The following KLRF1 variants were observed in gnomAD, a reference collection of about 807,000 sequenced individuals.
KLRF1 encodes killer cell lectin-like receptor subfamily F member 1.
In KLRF1, 27 loss-of-function variants were observed where a neutral mutation model predicts 30.7. That is an observed-to-expected ratio of 0.88 (90% CI 0.65 to 1.21). The LOEUF is 1.21. Ranked by LOEUF, KLRF1 falls within the 50% of genes most tolerant of loss-of-function variation. The pLI is 0.00. For missense variants in KLRF1, 246 were observed against 259.3 expected (o/e 0.95, Z 0.35); for synonymous variants, 92 against 89.3 (o/e 1.03, Z -0.17).
the KLRF1 span, among the ~76,000 whole-genome samples, chr12:9,811,944 C>T: frequency 2.6e-5 from 4 of 152,124 alleles, no homozygotes; most frequent in Admixed American, 1.3e-4. Flanking sequence ...AACATTAAAT[C>T]GGGTGGAATT....
the KLRF1 span, chr12:9,817,792 A>C: frequency 5.1e-6 from 1 of 195,066 alleles, no homozygotes; most frequent in Admixed American, 6.3e-5. Context: ...AGGTGCAGGC[A>C]CTTCCTCAGT....
In KLRF1 at chr12:9,832,406, T is replaced by C. The variant is rs1038326062; in HGVS notation, c.176T>C (p.Ile59Thr). 5.1e-6 allele frequency: 8 copies of C among 1,571,176 alleles called. No homozygotes were observed. Among genetic ancestry groups the C allele is most frequent in the Non-Finnish European group, 7.0e-6 (8 of 1,142,082 alleles). Residue 59 changes from isoleucine (I) to threonine (T), a missense_variant, in exon 2 of 6, where the codon ATC becomes ACC. By Grantham distance (89) the Ile-to-Thr change is moderately conservative (BLOSUM62 -1). Transcript: ENST00000617889. ...GILTLTLISL[I>T]LLVSQGVLLK... ...CTCACTTTGACTTTGATCTCCTTGA[T>C]CCTGTTGGGTAAGTTTAGAAGATCT...
upstream of KLRF1, among the ~76,000 whole-genome samples, chr12:9,827,151 C>G (rs56868322): frequency 0.011 from 1,717 of 152,118 alleles, 33 homozygotes; most frequent in African/African-American, 0.039. Flanking sequence ...GTTAGGGAGG[C>G]TAATTCAAAT....
At chr12:9,801,522 T>G in the KLRF1 span, among the ~76,000 whole-genome samples, 1 of 152,100 alleles carries the variant, frequency 6.6e-6, no homozygotes, top group African/African-American at 2.4e-5. Context: ...GTTTCTTGAC[T>G]TTTTAATAAT....
the KLRF1 span, among the ~76,000 whole-genome samples, chr12:9,821,954 C>A: frequency 6.6e-6 from 1 of 152,196 alleles, no homozygotes. Context: ...AAGTCAGTTG[C>A]AAGTAAAGAC....
chr12:9,842,742 A>G (rs1867732782), intron 5 of KLRF1, among the ~76,000 whole-genome samples: 2 of 152,226 alleles, frequency 1.3e-5, no homozygotes, highest in East Asian at 1.9e-4. Flanking sequence ...ATAAAATAAA[A>G]CCAATGTGCA....
chr12:9,841,726 A>G, intron 3 of KLRF1, 86 bp from the exon 4 acceptor site: 2 of 966,512 alleles, frequency 2.1e-6, no homozygotes, highest in African/African-American at 1.7e-5. Flanking sequence ...TCTTATTTAT[A>G]CAACATGTAA....
the KLRF1 span, among the ~76,000 whole-genome samples, chr12:9,816,733 C>CTTTT: frequency 7.5e-6 from 1 of 132,836 alleles, no homozygotes. Context: ...GCATTCTCTT[C>CTTTT]TTTTTTTTTT....
intron 3 of KLRF1, among the ~76,000 whole-genome samples, chr12:9,841,373 C>T (rs758012815): frequency 2.0e-5 from 3 of 151,930 alleles, no homozygotes; most frequent in Non-Finnish European, 1.5e-5. Flanking sequence ...CTGGGTGCTA[C>T]TTGGATGTTG....
At chr12:9,825,159 C>T (rs1420653250), upstream of KLRF1, among the ~76,000 whole-genome samples, 2 of 151,808 alleles carry the variant, frequency 1.3e-5, no homozygotes, top group Non-Finnish European at 2.9e-5. Context: ...GCCCAAATAG[C>T]CAAGGCAATC....
chr12:9,815,292 T>G, the KLRF1 span, among the ~76,000 whole-genome samples: 264 of 152,352 alleles, frequency 1.7e-3, 1 homozygote, highest in African/African-American at 6.1e-3. Context: ...AGCCAGTTAT[T>G]TCAATGAATT....
the KLRF1 span, among the ~76,000 whole-genome samples, chr12:9,811,052 C>T: frequency 4.6e-5 from 7 of 151,748 alleles, no homozygotes; most frequent in South Asian, 8.3e-4. Context: ...TCCTGTGGGC[C>T]GGATGAAGAT....
At chr12:9,812,784 A>G in the KLRF1 span, among the ~76,000 whole-genome samples, 1 of 152,200 alleles carries the variant, frequency 6.6e-6, no homozygotes, top group Non-Finnish European at 1.5e-5. Flanking sequence ...GGAATTGCCT[A>G]TGATGTGGGA....
intron 1 of KLRF1, among the ~76,000 whole-genome samples, chr12:9,828,099 G>A (rs1472730753): frequency 6.7e-6 from 1 of 149,778 alleles, no homozygotes; most frequent in Admixed American, 6.6e-5. Flanking sequence ...TTTTTTTTGA[G>A]ACGGAGTTTC....
At chr12:9,827,013 T>G (rs775065730), upstream of KLRF1, among the ~76,000 whole-genome samples, 1 of 152,240 alleles carries the variant, frequency 6.6e-6, no homozygotes, top group South Asian at 2.1e-4. Flanking sequence ...CATGTAGCCC[T>G]GAACCTAAAA....
intron 3 of KLRF1, among the ~76,000 whole-genome samples, chr12:9,837,334 A>G (rs748391349): frequency 6.6e-6 from 1 of 151,722 alleles, no homozygotes; most frequent in African/African-American, 2.4e-5. Context: ...AGATACATAT[A>G]TACTTATATG....
At chr12:9,837,370 A>G (rs1223478399) in intron 3 of KLRF1, among the ~76,000 whole-genome samples, 2 of 151,568 alleles carry the variant, frequency 1.3e-5, no homozygotes, top group Non-Finnish European at 2.9e-5. Flanking sequence ...AAATACATAT[A>G]TATTTATATG....
chr12:9,817,487 A>G, the KLRF1 span: 1 of 423,670 alleles, frequency 2.4e-6, no homozygotes, highest in South Asian at 2.0e-5. Context: ...ATTTCGCTTG[A>G]GATTTTTTTC....
Position 9,833,901 on chromosome 12 carries a change from C to CTTTTTTTTTTTTTTTTTTTTTTTT in KLRF1, c.334+451_334+474dup, listed in dbSNP as rs35443913. On this transcript the variant is annotated intron_variant, in intron 3 of 5. Coordinates refer to ENST00000617889, the MANE Select transcript of KLRF1 (RefSeq NM_016523.3). ...TTACCTTCTATTTTTAAATGTTTAA[C>CTTTTTTTTTTTTTTTTTTTTTTTT]TTTTTTTTTTTTTTTTTTTTTTTTT... Among the ~76,000 whole-genome samples the CTTTTTTTTTTTTTTTTTTTTTTTT allele has an allele frequency of 7.3e-5, 6 of 82,402 alleles. 1 individual carries two copies. Among genetic ancestry groups the CTTTTTTTTTTTTTTTTTTTTTTTT allele is most frequent in the Admixed American group, 2.7e-4 (2 of 7,442 alleles). The allele number at this position is 82,402 out of a possible 152,430, so 54.1% of individuals were successfully genotyped here. A position where few individuals can be genotyped will look rare whatever the true frequency, so the allele number is the denominator to read the frequency against.
Sources: allele counts gnomAD v4.1 joint callset (sites outside exome capture counted in the v4.1 genomes callset), GRCh38; gene constraint gnomAD v4.1.1; transcripts MANE v1.5; gene names NCBI Gene and HGNC (gene_info 2026-07-23, HGNC 2026-07-21).